Variants in TMEM171 observed in about 807,000 individuals in gnomAD.
TMEM171 encodes transmembrane protein 171.
Under a neutral mutation model 19.1 loss-of-function variants are expected in TMEM171, and 16 were observed. That is an observed-to-expected ratio of 0.84 (90% CI 0.57 to 1.27). The LOEUF (loss-of-function observed/expected upper bound fraction) is 1.27, where lower values mean the gene tolerates loss of function less well. TMEM171 is among the 50% of genes most tolerant of loss of function. The pLI is 0.00. For synonymous variants in TMEM171, 153 were observed against 163.4 expected (o/e 0.94, Z 0.48); for missense variants, 429 against 412.7 (o/e 1.04, Z -0.34).
At chr5:73,124,979 A>T (rs1240186409) in intron 2 of TMEM171, among the ~76,000 whole-genome samples, 1 of 152,206 alleles carries the variant, frequency 6.6e-6, no homozygotes, top group Non-Finnish European at 1.5e-5. Flanking sequence ...CATGGAGAGG[A>T]CAGAGAGGGA....
At chr5:73,128,716 T>C (rs995246500) in intron 3 of TMEM171, among the ~76,000 whole-genome samples, 185 bp downstream of exon 3, 10 of 151,494 alleles carry the variant, frequency 6.6e-5, no homozygotes, top group Admixed American at 2.0e-4. Context: ...TTAAAAATGA[T>C]AAAGTGATCA....
intron 1 of TMEM171, 45 bp downstream of exon 1, chr5:73,120,741 G>T: frequency 1.0e-6 from 1 of 983,890 alleles, no homozygotes; most frequent in Non-Finnish European, 1.2e-6. Flanking sequence ...GCGGCGGGTC[G>T]GGCGCTGAGC....
At chr5:73,128,762 T>C (rs1744256639) in intron 3 of TMEM171, among the ~76,000 whole-genome samples, 1 of 152,106 alleles carries the variant, frequency 6.6e-6, no homozygotes, top group Non-Finnish European at 1.5e-5. Context: ...CAGGCATCTA[T>C]CTTTATGTGC....
chr5:73,128,903 G>A (rs1744260154), intron 3 of TMEM171, among the ~76,000 whole-genome samples: 1 of 152,120 alleles, frequency 6.6e-6, no homozygotes, highest in South Asian at 2.1e-4. Context: ...GACCAGCCTG[G>A]CCAACGTGGC....
chr5:73,124,854 C>A (rs79017922), intron 2 of TMEM171, among the ~76,000 whole-genome samples: 16,068 of 152,226 alleles, frequency 0.11, 935 homozygotes, highest in Middle Eastern at 0.16. Flanking sequence ...AAGGAAAAAC[C>A]CCATCGCTGT....
In TMEM171 at chr5:73,123,559, G is replaced by A. The variant is rs146544114; in HGVS notation, c.186G>A (p.Ala62=). The change falls in exon 2 of 4, where the codon GCG becomes GCA. Residue 62 remains alanine, a synonymous_variant. Coordinates refer to ENST00000454765, the MANE Select transcript of TMEM171 (RefSeq NM_173490.8). ...ACTGCCCCATGGTGCTCAAGGTGGC[G>A]GGGCCTGCATGTGCCGTGGTTGGGC... ...LPDCPMVLKV[A]GPACAVVGLG... is the part of the protein sequence containing the mutation. 314 of 1,614,226 alleles carry A rather than the reference G, an allele frequency of 1.9e-4. 1 individual carries two copies. The African/African-American group carries it at 2.5e-3, about 13-fold the overall frequency.
In TMEM171 at chr5:73,128,420, C is replaced by T. The variant is rs745388822; in HGVS notation, c.671C>T (p.Pro224Leu). 2 of 1,614,034 alleles carry T rather than the reference C, an allele frequency of 1.2e-6. No individual in the cohort carries two copies. Among genetic ancestry groups the T allele is most frequent in the African/African-American group, 2.7e-5 (2 of 74,922 alleles). ...TCGGTAATAATATTTCCACCCCCTC[C>T]ACCACCTTACTTTCCTGAATCTTCA... is the stretch of plus-strand genomic sequence containing the variant. ...GDSVIIFPPP[P>L]PPYFPESSAS... is the part of the protein sequence containing the mutation. Residue 224 changes from proline to leucine, a missense_variant, in exon 3 of 4, where the codon CCA becomes CTA. By Grantham distance (98) the Pro-to-Leu change is moderately conservative. Transcript: ENST00000454765.
At chr5:73,126,121 A>G (rs995333268) in intron 2 of TMEM171, among the ~76,000 whole-genome samples, 1 of 152,184 alleles carries the variant, frequency 6.6e-6, no homozygotes, top group Non-Finnish European at 1.5e-5. Context: ...CTGCTGGGCC[A>G]AAGGGCTGGA....
At chr5:73,128,202 A>G (rs1744231588) in intron 2 of TMEM171, among the ~76,000 whole-genome samples, 188 bp from the exon 3 acceptor site, 1 of 152,096 alleles carries the variant, frequency 6.6e-6, no homozygotes, top group Non-Finnish European at 1.5e-5. Flanking sequence ...AACCCCTCCT[A>G]GCCCCTGGTA....
chr5:73,127,007 A>G (rs1455618965), intron 2 of TMEM171, among the ~76,000 whole-genome samples: 2 of 152,166 alleles, frequency 1.3e-5, no homozygotes, highest in South Asian at 2.1e-4. Context: ...AGTGAACAGT[A>G]GCCACAGAAA....
chr5:73,123,338 T>G lies in TMEM171; in HGVS notation c.-36T>G, dbSNP rs753979760. ...GAAATCTTGGAGGGAAGAAAACACA[T>G]CCCACCCTGCCTCCGGGAAGGGGCC... On this transcript the variant is annotated 5_prime_UTR_variant, in exon 2 of 4. Coordinates refer to ENST00000454765, the MANE Select transcript of TMEM171 (RefSeq NM_173490.8). 1 of 1,572,046 alleles carries G rather than the reference T, an allele frequency of 6.4e-7. No individual in the cohort carries two copies. Among genetic ancestry groups the G allele is most frequent in the Non-Finnish European group, 8.6e-7 (1 of 1,156,192 alleles).
intron 1 of TMEM171, among the ~76,000 whole-genome samples, chr5:73,122,554 A>G (rs1423774513): frequency 2.0e-5 from 3 of 152,170 alleles, no homozygotes; most frequent in Non-Finnish European, 4.4e-5. Flanking sequence ...CACAGGCACC[A>G]TGCCTGGCTA....
chr5:73,120,709 G>A lies in TMEM171; in HGVS notation c.-69+13G>A, dbSNP rs2112917042. Reference sequence around the variant, plus strand: ...GACCCAGCTTCAGGTAAGCTGCCCCGGCCCGCGCGCCTGCGCCGGCGGCGG... The same window carrying A: ...GACCCAGCTTCAGGTAAGCTGCCCCAGCCCGCGCGCCTGCGCCGGCGGCGG... On this transcript the variant is annotated intron_variant, in intron 1 of 3. Transcript: ENST00000454765. 2.0e-6 allele frequency: 2 copies of A among 983,068 alleles called. No homozygotes were observed. The highest frequency in any genetic ancestry group is 2.4e-6 in the Non-Finnish European group (2 of 829,260). 60.9% of individuals were successfully genotyped at this position (983,068 alleles called of 1,614,324 possible).
intron 3 of TMEM171, among the ~76,000 whole-genome samples, 157 bp downstream of exon 3, chr5:73,128,688 A>AT (rs1744253412): frequency 6.6e-6 from 1 of 152,182 alleles, no homozygotes; most frequent in South Asian, 2.1e-4. Flanking sequence ...CTTTGCCGAA[A>AT]TTTGGGCAGC....
intron 3 of TMEM171, among the ~76,000 whole-genome samples, chr5:73,130,096 G>A (rs1744292784): frequency 6.6e-6 from 1 of 152,138 alleles, no homozygotes; most frequent in Non-Finnish European, 1.5e-5. Context: ...TGGTTTCGGT[G>A]GGGAAAGGAT....
intron 3 of TMEM171, among the ~76,000 whole-genome samples, chr5:73,128,876 T>A (rs1744259662): frequency 6.6e-6 from 1 of 152,138 alleles, no homozygotes; most frequent in Non-Finnish European, 1.5e-5. Context: ...GTGGATCACT[T>A]GAGCTTAGGA....
chr5:73,124,931 T>C (rs1744122591), intron 2 of TMEM171, among the ~76,000 whole-genome samples: 1 of 152,182 alleles, frequency 6.6e-6, no homozygotes, highest in South Asian at 2.1e-4. Flanking sequence ...ACCACTGACA[T>C]TTAAAAGGCT....
intron 2 of TMEM171, among the ~76,000 whole-genome samples, chr5:73,126,047 G>A (rs1173034865): frequency 6.6e-6 from 1 of 152,210 alleles, no homozygotes; most frequent in Non-Finnish European, 1.5e-5. Flanking sequence ...ACGCATGAAA[G>A]GGAACTCGCA....
Position 73,127,369 on chromosome 5 carries a change from T to TAAAA in TMEM171, c.641-1008_641-1005dup, listed in dbSNP as rs150651292. 4.0e-3 allele frequency among the ~76,000 whole-genome samples: 389 copies of TAAAA among 97,114 alleles called. 2 individuals are homozygous for TAAAA. The highest frequency in any genetic ancestry group is 0.018 in the African/African-American group (342 of 19,180). 63.7% of individuals were successfully genotyped at this position (97,114 alleles called of 152,430 possible). On this transcript the variant is annotated intron_variant, in intron 2 of 3. Transcript: ENST00000454765. ...AGGCCTACTTTTAAAAAATTTGTGG[T>TAAAA]AAAAAAAAAAAAAAAATATATATAT...
Sources: gnomAD v4.1 joint callset for allele counts (sites outside exome capture counted in the v4.1 genomes callset) on GRCh38, gnomAD v4.1.1 for gene constraint, MANE v1.5 for transcripts, NCBI Gene and HGNC (gene_info 2026-07-23, HGNC 2026-07-21) for gene names.